The following NKD1 variants were observed in gnomAD, a reference collection of about 807,000 sequenced individuals.
The protein encoded by NKD1 is protein naked cuticle homolog 1.
A neutral mutation model predicts 56.0 loss-of-function variants in NKD1; 21 were observed. The observed-to-expected ratio is 0.38, with a 90% CI of 0.27 to 0.54. The LOEUF is 0.54. Ranked by LOEUF, NKD1 falls within the 20% of genes least tolerant of loss-of-function variation. NKD1 has a pLI of 0.82. For missense variants in NKD1, 578 were observed against 642.7 expected (o/e 0.90, Z 1.09); for synonymous variants, 263 against 265.7 (o/e 0.99, Z 0.10).
chr16:50,601,603 T>C lies in NKD1; in HGVS notation c.193-6691T>C, dbSNP rs556150747. On this transcript the variant is annotated intron_variant, in intron 3 of 9. Transcript: ENST00000268459. ...TGAGCTGTCTCTGAGAAGCTGCCGATGAGATGAGATGCAGCCTTGGCACCA... is the reference window on the plus strand; with the variant it reads ...TGAGCTGTCTCTGAGAAGCTGCCGACGAGATGAGATGCAGCCTTGGCACCA... 1.1e-4 allele frequency among the ~76,000 whole-genome samples: 16 copies of C among 152,196 alleles called. No individual in the cohort carries two copies. In the East Asian group the frequency reaches 3.1e-3, roughly 29 times the overall value.
At chr16:50,619,237 T>C (rs1029985364) in intron 4 of NKD1, among the ~76,000 whole-genome samples, 2 of 151,946 alleles carry the variant, frequency 1.3e-5, no homozygotes, top group African/African-American at 4.8e-5. Context: ...GAGTAGAGGA[T>C]GCTGCAGGCC....
In NKD1 at chr16:50,639,384, T is replaced by C. The variant is rs1481926498; in HGVS notation, c.*5603T>C. On this transcript the variant is annotated 3_prime_UTR_variant, in exon 10 of 10. Transcript: ENST00000268459. ...GCAGGGATCAGTGTTTTTCACAAGC[T>C]CCATACCTCCAGGAAATGGTGTTGT... 6.6e-6 allele frequency: 1 copy of C among 152,146 alleles called. No individual in the cohort carries two copies. The highest frequency in any genetic ancestry group is 1.5e-5 in the Non-Finnish European group (1 of 68,034). 9.4% of individuals were successfully genotyped at this position (152,146 alleles called of 1,614,324 possible).
At chr16:50,604,464 T>G (rs1961662664) in intron 3 of NKD1, among the ~76,000 whole-genome samples, 1 of 151,824 alleles carries the variant, frequency 6.6e-6, no homozygotes, top group Non-Finnish European at 1.5e-5. Flanking sequence ...ATAGCAGGAG[T>G]AATAAACAGT....
intron 3 of NKD1, among the ~76,000 whole-genome samples, chr16:50,588,844 T>C (rs1019034585): frequency 7.2e-5 from 11 of 152,084 alleles, no homozygotes; most frequent in African/African-American, 2.7e-4. Flanking sequence ...CGTCAAGGGA[T>C]CCACCTGCCT....
intron 3 of NKD1, among the ~76,000 whole-genome samples, chr16:50,585,581 G>C (rs1014727224): frequency 6.6e-6 from 1 of 152,224 alleles, no homozygotes; most frequent in Non-Finnish European, 1.5e-5. Flanking sequence ...GCTCTCCAGA[G>C]GCCTTGCTGC....
Position 50,549,448 on chromosome 16 carries a change from T to C in NKD1, c.85T>C (p.Trp29Arg). The C allele has an allele frequency of 3.1e-6, 5 of 1,611,460 alleles. No homozygotes were observed. Among genetic ancestry groups the C allele is most frequent in the South Asian group, 1.1e-5 (1 of 90,970 alleles). ...TGACAGCTTCGCCGTGAGCGCTGCC[T>C]GGGCTCGGAAGGGCATCGAGGAGTG... is the stretch of plus-strand genomic sequence containing the variant. ...EGDSFAVSAA[W>R]ARKGIEEWIG... The change falls in exon 3 of 10, where the codon TGG (tryptophan) becomes CGG (arginine). Residue 29 changes from tryptophan (W) to arginine (R), a missense_variant. By Grantham distance (101) the Trp-to-Arg change is moderately radical. Transcript: ENST00000268459.
chr16:50,625,583 G>C lies in NKD1; in HGVS notation c.462+3G>C. 6.3e-7 allele frequency: 1 copy of C among 1,595,102 alleles called. No individual in the cohort carries two copies. Among genetic ancestry groups the C allele is most frequent in the Non-Finnish European group, 8.6e-7 (1 of 1,162,820 alleles). ...ACAACGGCAAGGTCACCCGAGAGGTGAGTGCACCTGCCTGGCCTCTTGCCG... is the reference window on the plus strand; with the variant it reads ...ACAACGGCAAGGTCACCCGAGAGGTCAGTGCACCTGCCTGGCCTCTTGCCG... On this transcript the variant is annotated splice_donor_region_variant and intron_variant, in intron 6 of 9. Coordinates refer to ENST00000268459, the MANE Select transcript of NKD1 (RefSeq NM_033119.5).
intron 6 of NKD1, among the ~76,000 whole-genome samples, chr16:50,629,148 T>G (rs2151280670): frequency 6.6e-6 from 1 of 152,002 alleles, no homozygotes; most frequent in East Asian, 1.9e-4. Context: ...ATTTTTTATT[T>G]TTGTAGAGAA....
In NKD1 at chr16:50,574,323, G is replaced by A. The variant is rs142151744; in HGVS notation, c.192+24768G>A. On this transcript the variant is annotated intron_variant, in intron 3 of 9. Transcript: ENST00000268459. ...GGAAATGTGGGTGTGAGTCAGAACT[G>A]GGGGCTGAGGTGTCCTGGGAGGGCC... The A allele has an allele frequency of 2.3e-3, 2,266 of 985,398 alleles. 45 individuals carry two copies. The African/African-American group carries it at 0.037, about 16-fold the overall frequency. The allele number at this position is 985,398 out of a possible 1,614,324, so 61.0% of individuals were successfully genotyped here. A position where few individuals can be genotyped will look rare whatever the true frequency, so the allele number is the denominator to read the frequency against.
rs1458745114 is a variant in NKD1, at chr16:50,645,869, G to A, written c.*12088G>A. On this transcript the variant is annotated 3_prime_UTR_variant, in exon 10 of 10. Coordinates refer to ENST00000268459, the MANE Select transcript of NKD1 (RefSeq NM_033119.5). ...AGACAGAGAGACTGGGAGAGAAAGA[G>A]GCCCCAATTTCCTCTCTCTGGTAGT... 3 of 152,168 alleles carry A rather than the reference G, an allele frequency of 2.0e-5. No individual in the cohort carries two copies. Among genetic ancestry groups the A allele is most frequent in the Non-Finnish European group, 2.9e-5 (2 of 68,032 alleles). The allele number at this position is 152,168 out of a possible 1,614,324, so 9.4% of individuals were successfully genotyped here.
chr16:50,619,248 G>A (rs751530335), intron 4 of NKD1, among the ~76,000 whole-genome samples: 4 of 152,010 alleles, frequency 2.6e-5, no homozygotes, highest in Admixed American at 6.5e-5. Flanking sequence ...GCTGCAGGCC[G>A]TGATATTACT....
intron 3 of NKD1, among the ~76,000 whole-genome samples, chr16:50,573,159 A>G (rs1177030674): frequency 6.6e-6 from 1 of 152,184 alleles, no homozygotes; most frequent in Non-Finnish European, 1.5e-5. Flanking sequence ...CCAAGAAGAA[A>G]GTCCTTTCTG....
At chr16:50,593,217 G>A (rs1004684587) in intron 3 of NKD1, among the ~76,000 whole-genome samples, 4 of 152,158 alleles carry the variant, frequency 2.6e-5, no homozygotes, top group Non-Finnish European at 4.4e-5. Flanking sequence ...AGGGTGAGGA[G>A]GAGCGAGTGA....
At chr16:50,571,430 A>C (rs1960881191) in intron 3 of NKD1, 1 of 964,826 alleles carries the variant, frequency 1.0e-6, no homozygotes, top group Non-Finnish European at 1.2e-6. Flanking sequence ...GGGAGTTTCA[A>C]GTGCTCCGAA....
chr16:50,633,622 A>C lies in NKD1; in HGVS notation c.1254A>C (p.Ala418=). ...AGCAGGGCTGCCGGGGCCTGCAGGC[A>C]CCACTGGCCTCAGGTGGCCCTGTCC... ...ESQQGCRGLQ[A]PLASGGPVLG... Residue 418 remains alanine (A), a synonymous_variant, in exon 10 of 10, where the codon GCA becomes GCC. Coordinates refer to ENST00000268459, the MANE Select transcript of NKD1 (RefSeq NM_033119.5). This position sits in a 1 kb window ranked among gnomAD's most constrained non-coding sequence, Gnocchi z 4.9. The C allele has an allele frequency of 6.2e-7, 1 of 1,609,684 alleles. No homozygotes were observed. Among genetic ancestry groups the C allele is most frequent in the Non-Finnish European group, 8.5e-7 (1 of 1,178,726 alleles).
chr16:50,615,477 CAG>C (rs1298642525), intron 4 of NKD1, among the ~76,000 whole-genome samples: 34 of 152,252 alleles, frequency 2.2e-4, no homozygotes, highest in Admixed American at 2.0e-3. Flanking sequence ...GCATGCTGCT[CAG>C]AGGAAGGGAG....
At chr16:50,621,353 A>G (rs1223302587) in intron 4 of NKD1, among the ~76,000 whole-genome samples, 1 of 152,156 alleles carries the variant, frequency 6.6e-6, no homozygotes, top group Non-Finnish European at 1.5e-5. Context: ...CAGAAGTCAT[A>G]GGCTGGTGGG....
intron 3 of NKD1, among the ~76,000 whole-genome samples, chr16:50,582,131 A>T (rs1008611100): frequency 6.6e-6 from 1 of 152,206 alleles, no homozygotes. Context: ...TGAGAAGGCC[A>T]GAGTGCATTG....
chr16:50,588,099 G>A (rs1289294651), intron 3 of NKD1, among the ~76,000 whole-genome samples: 2 of 152,194 alleles, frequency 1.3e-5, no homozygotes, highest in Non-Finnish European at 2.9e-5. Flanking sequence ...CAAATGAAAC[G>A]GGAATGGCTG....
Sources: allele counts gnomAD v4.1 joint callset (sites outside exome capture counted in the v4.1 genomes callset), GRCh38; gene constraint gnomAD v4.1.1; non-coding constraint Gnocchi (gnomAD v3.1); transcripts MANE v1.5; gene names NCBI Gene and HGNC (gene_info 2026-07-23, HGNC 2026-07-21).